Variants in ASPH observed in about 807,000 individuals in gnomAD.
ASPH encodes aspartate beta-hydroxylase.
In ASPH, 100 loss-of-function variants were observed where a neutral mutation model predicts 118.4. The observed-to-expected ratio is 0.84, with a 90% CI of 0.72 to 1.00. The LOEUF (loss-of-function observed/expected upper bound fraction) is 1.00. ASPH is among the 50% of genes least tolerant of loss of function. ASPH has a pLI of 0.00. For synonymous variants in ASPH, 315 were observed against 325.6 expected, an observed-to-expected ratio of 0.97 and a Z score of 0.35; for missense variants, 920 against 919.5, an observed-to-expected ratio of 1.00 and a Z score of -0.01.
intron 3 of ASPH, among the ~76,000 whole-genome samples, chr8:61,673,952 T>G (rs1007470373): frequency 6.6e-6 from 1 of 152,166 alleles, no homozygotes. Context: ...ACAAAATAAG[T>G]AGCAAATTTT....
chr8:61,591,430 C>T (rs1484611584), intron 14 of ASPH, among the ~76,000 whole-genome samples: 2 of 151,238 alleles, frequency 1.3e-5, no homozygotes, highest in African/African-American at 2.4e-5. Context: ...GTACCATAAT[C>T]CCCACTGAAG....
At chr8:61,689,652 G>A in intron 1 of ASPH, 1 of 1,578,730 alleles carries the variant, frequency 6.3e-7, no homozygotes, top group Non-Finnish European at 8.7e-7. Flanking sequence ...GCCACTTTTA[G>A]CCTAAATAAC....
chr8:61,577,093 G>A (rs757462171), intron 15 of ASPH, among the ~76,000 whole-genome samples: 2 of 151,754 alleles, frequency 1.3e-5, no homozygotes, highest in African/African-American at 2.4e-5. Flanking sequence ...ACCAAACATC[G>A]CATGTTCTCA....
At chr8:61,709,596 T>C (rs1346361849) in intron 1 of ASPH, among the ~76,000 whole-genome samples, 2 of 152,166 alleles carry the variant, frequency 1.3e-5, no homozygotes, top group Non-Finnish European at 2.9e-5. Context: ...GGGGTGTACA[T>C]AGGTTATATG....
chr8:61,700,580 A>G (rs139660658), intron 1 of ASPH, among the ~76,000 whole-genome samples: 17 of 152,326 alleles, frequency 1.1e-4, no homozygotes, highest in South Asian at 2.1e-4. Context: ...TAAAATGGCT[A>G]CAAAATGTGC....
rs1056660938 is a variant in ASPH, at chr8:61,689,963, C to T, written c.104-5775G>A. The stretch of plus-strand genomic sequence containing the variant: ...AACACCACAGCCTTTCTCCCACTTA[C>T]GGGATTCTTTTCCCAGTTGGTCCTA... On this transcript the variant is annotated intron_variant, in intron 1 of 24. Coordinates refer to ENST00000379454, the MANE Select transcript of ASPH (RefSeq NM_004318.4). The T allele has an allele frequency of 1.6e-5, 13 of 812,760 alleles. No individual in the cohort carries two copies. In the East Asian group the frequency reaches 1.7e-4, roughly 11 times the overall value. 50.3% of individuals were successfully genotyped at this position (812,760 alleles called of 1,614,324 possible).
chr8:61,567,442 T>C, intron 16 of ASPH, 124 bp from the exon 17 acceptor site: 1 of 1,037,504 alleles, frequency 9.6e-7, no homozygotes, highest in Non-Finnish European at 1.4e-6. Context: ...CGTTAGCCTT[T>C]TCTCCTTATC....
intron 1 of ASPH, among the ~76,000 whole-genome samples, chr8:61,696,012 T>A (rs1360932614): frequency 1.3e-5 from 2 of 152,166 alleles, no homozygotes; most frequent in African/African-American, 4.8e-5. Context: ...AGCAGCCCAG[T>A]GGTTTCTAGA....
intron 20 of ASPH, among the ~76,000 whole-genome samples, chr8:61,548,664 T>C (rs189816967): frequency 1.3e-5 from 2 of 152,322 alleles, no homozygotes; most frequent in Non-Finnish European, 1.5e-5. Flanking sequence ...TCTTTTCACA[T>C]GTACTTTCCA....
chr8:61,567,566 C>T (rs900648678), intron 16 of ASPH, among the ~76,000 whole-genome samples: 1 of 152,156 alleles, frequency 6.6e-6, no homozygotes, highest in South Asian at 2.1e-4. Flanking sequence ...GACTAATACA[C>T]GCTGGGGCTG....
intron 10 of ASPH, among the ~76,000 whole-genome samples, chr8:61,638,927 C>T (rs1859177029): frequency 6.6e-6 from 1 of 152,218 alleles, no homozygotes; most frequent in Admixed American, 6.5e-5. Context: ...TCAACCTGAT[C>T]TTCCAAAATA....
chr8:61,554,625 A>G (rs1406918795), intron 19 of ASPH, among the ~76,000 whole-genome samples: 3 of 152,254 alleles, frequency 2.0e-5, no homozygotes, highest in African/African-American at 7.2e-5. Context: ...ACATGTGGCC[A>G]GTGGCCATCA....
intron 16 of ASPH, among the ~76,000 whole-genome samples, chr8:61,573,229 A>G (rs1364644454): frequency 1.3e-5 from 2 of 152,230 alleles, no homozygotes; most frequent in Non-Finnish European, 2.9e-5. Context: ...AAACAAATGG[A>G]AAAACATTCC....
Position 61,643,420 on chromosome 8 carries a change from T to G in ASPH, c.723A>C (p.Pro241=). Residue 241 remains proline, a synonymous_variant, in exon 9 of 25, where the codon CCA becomes CCC. Transcript: ENST00000379454. ...GGTGCAATCTTTCATCTTCTACTAC[T>G]GGTTCACTGGAATCTAAAAAACAAA... is the stretch of plus-strand genomic sequence containing the variant. ...SEQENPDSSE[P]VVEDERLHHD... The G allele has an allele frequency of 6.2e-7, 1 of 1,604,750 alleles. No homozygotes were observed. Among genetic ancestry groups the G allele is most frequent in the Non-Finnish European group, 8.5e-7 (1 of 1,179,590 alleles).
At chr8:61,689,865 A>C in intron 1 of ASPH, 1 of 1,354,300 alleles carries the variant, frequency 7.4e-7, no homozygotes, top group South Asian at 1.9e-5. Context: ...CCTGACTACA[A>C]ACTCTGCTCA....
intron 5 of ASPH, among the ~76,000 whole-genome samples, chr8:61,647,636 A>C (rs1808700095): frequency 6.6e-6 from 1 of 152,164 alleles, no homozygotes; most frequent in Admixed American, 6.5e-5. Context: ...GTGCCACTGC[A>C]CTCCAGCCTG....
At chr8:61,545,016 AG>A (rs1212658796) in intron 21 of ASPH, among the ~76,000 whole-genome samples, 1 of 152,164 alleles carries the variant, frequency 6.6e-6, no homozygotes, top group African/African-American at 2.4e-5. Context: ...CCGTATGGGA[AG>A]GTCTGTTGGA....
Position 61,503,434 on chromosome 8 carries a change from G to A in ASPH, c.2202C>T (p.Phe734=), listed in dbSNP as rs1805278008. The A allele has an allele frequency of 1.2e-6, 2 of 1,613,126 alleles. No individual in the cohort carries two copies. The highest frequency in any genetic ancestry group is 1.7e-6 in the Non-Finnish European group (2 of 1,179,660). The part of the protein sequence containing the change: ...EHEVWQDASS[F]RLIFIVDVWH... Reference sequence around the variant, plus strand: ...ACACATCCACGATGAATATCAGCCGGAAAGATGAGGCATCCTGCCATACCT... The same window carrying A: ...ACACATCCACGATGAATATCAGCCGAAAAGATGAGGCATCCTGCCATACCT... The change falls in exon 25 of 25, where the codon TTC becomes TTT. Residue 734 remains phenylalanine (F), a synonymous_variant. Coordinates refer to ENST00000379454, the MANE Select transcript of ASPH (RefSeq NM_004318.4).
chr8:61,583,078 AAAATAT>A (rs1182072918), intron 15 of ASPH: 2 of 152,198 alleles, frequency 1.3e-5, no homozygotes, highest in African/African-American at 4.8e-5. Context: ...TCGACAAATT[AAAATAT>A]AAATAAGGTA....
Sources: allele counts gnomAD v4.1 joint callset (sites outside exome capture counted in the v4.1 genomes callset), GRCh38; gene constraint gnomAD v4.1.1; transcripts MANE v1.5; gene names NCBI Gene and HGNC (gene_info 2026-07-23, HGNC 2026-07-21).